DCC: variants seen among roughly 807,000 people sequenced by gnomAD.
DCC encodes the protein netrin receptor DCC.
A neutral mutation model predicts 172.5 loss-of-function variants in DCC; 58 were observed. The ratio of observed to expected loss-of-function variants is 0.34; its 90% CI spans 0.27 to 0.42. The LOEUF is 0.42. Among genes scored for constraint, DCC ranks in the 10% least tolerant of loss-of-function variants. The pLI, the probability that DCC is intolerant of heterozygous loss-of-function variation, is 1.00. For synonymous variants in DCC, 709 were observed against 644.5 expected (o/e 1.10, Z -1.52); for missense variants, 1,740 against 1,791.0 (o/e 0.97, Z 0.51).
chr18:52,685,561 G>C (rs74581224), intron 1 of DCC, among the ~76,000 whole-genome samples: 1 of 151,972 alleles, frequency 6.6e-6, no homozygotes, highest in Admixed American at 6.6e-5. Flanking sequence ...GTAACTTCTC[G>C]TTGTGGCAGG....
intron 2 of DCC, among the ~76,000 whole-genome samples, chr18:52,859,890 CTTAGA>C (rs1407342322): frequency 1.3e-5 from 2 of 151,970 alleles, no homozygotes; most frequent in African/African-American, 4.8e-5. Flanking sequence ...GTTAGAGGTT[CTTAGA>C]TTAGATAGGC....
intron 5 of DCC, among the ~76,000 whole-genome samples, chr18:53,055,355 C>T (rs1463759127): frequency 4.6e-5 from 7 of 152,098 alleles, no homozygotes; most frequent in Admixed American, 3.9e-4. Context: ...ACACCTGTGT[C>T]AGGAAAAAAG....
intron 7 of DCC, among the ~76,000 whole-genome samples, chr18:53,070,855 T>G (rs1206935659): frequency 6.6e-6 from 1 of 152,174 alleles, no homozygotes; most frequent in African/African-American, 2.4e-5. Flanking sequence ...TAATCAGGTC[T>G]TCAAAGAATG....
intron 2 of DCC, among the ~76,000 whole-genome samples, chr18:52,827,549 T>C (rs987746171): frequency 2.0e-5 from 3 of 152,238 alleles, no homozygotes; most frequent in African/African-American, 7.2e-5. Context: ...CTCTTTTCAG[T>C]AGACTTGACT....
At chr18:53,490,974 G>C (rs1376324859) in intron 26 of DCC, among the ~76,000 whole-genome samples, 1 of 152,160 alleles carries the variant, frequency 6.6e-6, no homozygotes, top group African/African-American at 2.4e-5. Flanking sequence ...TCTTGAGGAA[G>C]GGCCCTCTCA....
chr18:52,909,463 A>G (rs918457640), intron 3 of DCC, among the ~76,000 whole-genome samples: 1 of 152,128 alleles, frequency 6.6e-6, no homozygotes, highest in African/African-American at 2.4e-5. Context: ...TTTCCCCAAC[A>G]TTAATTTTTA....
intron 15 of DCC, among the ~76,000 whole-genome samples, chr18:53,377,540 G>T (rs1297900661): frequency 6.6e-6 from 1 of 152,234 alleles, no homozygotes; most frequent in South Asian, 2.1e-4. Flanking sequence ...TCTTGCACTG[G>T]TGATTAAATT....
chr18:53,512,196 A>G (rs559986565), intron 27 of DCC, among the ~76,000 whole-genome samples: 17 of 152,014 alleles, frequency 1.1e-4, no homozygotes, highest in Non-Finnish European at 2.1e-4. Context: ...CCCCAGCAGG[A>G]GCACACTGAC....
chr18:53,123,756 A>T (rs1320483113), intron 7 of DCC, among the ~76,000 whole-genome samples: 1 of 151,870 alleles, frequency 6.6e-6, no homozygotes, highest in Non-Finnish European at 1.5e-5. Context: ...TTTCATGTCT[A>T]TTCACAGTCT....
At chr18:53,340,156 C>T (rs1351330631) in intron 15 of DCC, among the ~76,000 whole-genome samples, 3 of 151,924 alleles carry the variant, frequency 2.0e-5, no homozygotes, top group African/African-American at 4.8e-5. Flanking sequence ...TCTGTAATGG[C>T]AGTTGCTCTG....
At chr18:53,067,947 C>T (rs186873101) in intron 7 of DCC, among the ~76,000 whole-genome samples, 10 of 152,302 alleles carry the variant, frequency 6.6e-5, no homozygotes, top group Non-Finnish European at 1.5e-4. Flanking sequence ...TGAAGATTCA[C>T]AGCAGTGCTC....
At chr18:52,770,627 C>T in intron 2 of DCC, among the ~76,000 whole-genome samples, 1 of 124,512 alleles carries the variant, frequency 8.0e-6, no homozygotes, top group East Asian at 1.9e-4. Flanking sequence ...GAACTGGAAT[C>T]ATCAGAACTG....
At chr18:52,671,255 C>CA (rs1468088469) in intron 1 of DCC, among the ~76,000 whole-genome samples, 1 of 152,122 alleles carries the variant, frequency 6.6e-6, no homozygotes, top group Non-Finnish European at 1.5e-5. Flanking sequence ...TCAAGGAACT[C>CA]ACGGTCACCA....
intron 12 of DCC, among the ~76,000 whole-genome samples, chr18:53,239,050 G>A (rs1320911344): frequency 4.1e-5 from 6 of 145,076 alleles, no homozygotes; most frequent in African/African-American, 1.3e-4. Flanking sequence ...GTTGTGGAGT[G>A]GGGGGAGGGG....
At chr18:53,097,858 A>G (rs960270697) in intron 7 of DCC, among the ~76,000 whole-genome samples, 5 of 152,118 alleles carry the variant, frequency 3.3e-5, no homozygotes, top group Admixed American at 3.3e-4. Context: ...TGTTATAAGG[A>G]TACCAGTCTT....
At chr18:52,454,037 G>A (rs1383861023) in intron 1 of DCC, among the ~76,000 whole-genome samples, 1 of 152,134 alleles carries the variant, frequency 6.6e-6, no homozygotes, top group African/African-American at 2.4e-5. Context: ...GGTCAGGAAG[G>A]ATGCTTCAAA....
rs575771273 is a variant in DCC at position 52,944,906 on chromosome 18, T to C, written c.985+19536T>C. On this transcript the variant is annotated intron_variant, in intron 5 of 28. Coordinates refer to ENST00000442544, the MANE Select transcript of DCC (RefSeq NM_005215.4). ...AGTATCCAAAGTTTTAGTTGTCTAT[T>C]TATTTTAGTCTGTTTATGAAGGCAG... Among the ~76,000 whole-genome samples, 14 of 152,338 alleles carry C rather than the reference T, an allele frequency of 9.2e-5. No homozygotes were observed. The South Asian group carries it at 2.9e-3, about 32-fold the overall frequency.
At chr18:53,344,434 G>GTTTTTTTTTTTTTTTTTTTTT (rs2057697742) in intron 15 of DCC, among the ~76,000 whole-genome samples, 1 of 118,628 alleles carries the variant, frequency 8.4e-6, no homozygotes. Context: ...CTTTCTTTTC[G>GTTTTTTTTTTTTTTTTTTTTT]TTTTTCTTTT....
chr18:53,060,184 CTGT>C (rs10588873), intron 5 of DCC, among the ~76,000 whole-genome samples: 48,957 of 151,230 alleles, frequency 0.32, 8,779 homozygotes, highest in Non-Finnish European at 0.41. Context: ...TTATTTGTTG[CTGT>C]TGTTGTTGTT....
Sources: gnomAD v4.1 joint callset for allele counts (sites outside exome capture counted in the v4.1 genomes callset) on GRCh38, gnomAD v4.1.1 for gene constraint, MANE v1.5 for transcripts, NCBI Gene and HGNC (gene_info 2026-07-23, HGNC 2026-07-21) for gene names.